The following ZNF705G variants were observed in gnomAD, a reference collection of about 807,000 sequenced individuals.
ZNF705G encodes putative zinc finger protein 705G.
A neutral mutation model predicts 19.6 loss-of-function variants in ZNF705G; 23 were observed. The observed-to-expected ratio is 1.17, with a 90% confidence interval of 0.84 to 1.66. The LOEUF (loss-of-function observed/expected upper bound fraction) is 1.66, where lower values mean the gene tolerates loss of function less well. Ranked by LOEUF, ZNF705G falls within the 40% of genes most tolerant of loss-of-function variation. The pLI is 0.00. For missense variants in ZNF705G, 457 were observed against 354.4 expected (o/e 1.29, Z -2.32); for synonymous variants, 146 against 117.7 (o/e 1.24, Z -1.56).
chr8:7,366,252 A>G (rs1191923457), intron 2 of ZNF705G, among the ~76,000 whole-genome samples: 2 of 148,912 alleles, frequency 1.3e-5, no homozygotes, highest in South Asian at 2.1e-4. Flanking sequence ...ATGGCTTCCA[A>G]CATCCAATAT....
At chr8:7,381,692 T>C (rs1227134310) in intron 1 of ZNF705G, 91 bp from the exon 2 acceptor site, 1 of 148,734 alleles carries the variant, frequency 6.7e-6, no homozygotes, top group Admixed American at 6.6e-5. Context: ...GAGCTAAGCA[T>C]TGAGCAGACA....
intron 6 of ZNF705G, among the ~76,000 whole-genome samples, chr8:7,359,411 GCA>G (rs1235350643): frequency 6.7e-6 from 1 of 149,644 alleles, no homozygotes; most frequent in African/African-American, 2.6e-5. Context: ...CAATGTATAT[GCA>G]CTTGTTCTAT....
At chr8:7,359,108 C>A (rs771134440) in intron 6 of ZNF705G, among the ~76,000 whole-genome samples, 52 of 149,686 alleles carry the variant, frequency 3.5e-4, no homozygotes, top group Non-Finnish European at 3.8e-4. Flanking sequence ...TTCTACCCAC[C>A]TTTTACATGA....
At chr8:7,363,109 G>T in intron 2 of ZNF705G, 92 bp from the exon 3 acceptor site, 1 of 1,500,380 alleles carries the variant, frequency 6.7e-7, no homozygotes, top group Non-Finnish European at 9.1e-7. Flanking sequence ...ACTGAAGTGT[G>T]ACACCAGCTG....
intron 2 of ZNF705G, 65 bp from the exon 3 acceptor site, chr8:7,363,082 T>A: frequency 1.0e-5 from 16 of 1,580,700 alleles, no homozygotes; most frequent in Non-Finnish European, 1.3e-5. Context: ...CAATCTGTGA[T>A]GAAAAGCCAG....
At chr8:7,364,781 C>G (rs1806782605) in intron 2 of ZNF705G, among the ~76,000 whole-genome samples, 1 of 149,418 alleles carries the variant, frequency 6.7e-6, no homozygotes, top group Non-Finnish European at 1.5e-5. Flanking sequence ...CATCAAGATT[C>G]CAGTAACATA....
At chr8:7,359,487 AAT>A in intron 6 of ZNF705G, 130 bp downstream of exon 6, 1 of 1,429,576 alleles carries the variant, frequency 7.0e-7, no homozygotes, top group African/African-American at 1.9e-5. Flanking sequence ...CAAAGTATCC[AAT>A]TTTTTTTTTT....
rs1168128871 is a variant in ZNF705G at position 7,358,661 on chromosome 8, C to T, written c.319-101G>A. 20 of 1,535,236 alleles carry T rather than the reference C, an allele frequency of 1.3e-5. 1 individual carries two copies. The highest frequency in any genetic ancestry group is 2.4e-4 in the Middle Eastern group (1 of 4,118). On this transcript the variant is annotated intron_variant, in intron 6 of 6. Transcript: ENST00000400156. Reference sequence around the variant, plus strand: ...CTAGACCAACCATTCAGTGGTAGACCCCAGTTGAAAGCTTTCCAATGTTTC... The same window carrying T: ...CTAGACCAACCATTCAGTGGTAGACTCCAGTTGAAAGCTTTCCAATGTTTC...
chr8:7,380,399 A>T (rs1807435622), intron 2 of ZNF705G, among the ~76,000 whole-genome samples: 1 of 147,474 alleles, frequency 6.8e-6, no homozygotes, highest in Admixed American at 6.6e-5. Flanking sequence ...GTATGAGCCC[A>T]CCCAGCCTGG....
chr8:7,383,520 C>T (rs1450343980), intron 1 of ZNF705G, among the ~76,000 whole-genome samples: 1 of 146,598 alleles, frequency 6.8e-6, no homozygotes, highest in Non-Finnish European at 1.5e-5. Flanking sequence ...AGAATCAATA[C>T]ATGAATGAAT....
chr8:7,360,690 T>C (rs1426590975), intron 4 of ZNF705G, among the ~76,000 whole-genome samples: 1 of 149,642 alleles, frequency 6.7e-6, no homozygotes, highest in Non-Finnish European at 1.5e-5. Flanking sequence ...AAAAAAACAT[T>C]CGATTTACAA....
rs756869844 is a variant in ZNF705G at position 7,358,032 on chromosome 8, G to A, written c.847C>T (p.Pro283Ser). The A allele has an allele frequency of 1.2e-6, 2 of 1,608,764 alleles. No homozygotes were observed. Among genetic ancestry groups the A allele is most frequent in the Non-Finnish European group, 1.7e-6 (2 of 1,179,792 alleles). Reference protein sequence around the residue: ...GNKIIHTGEKPHACLLCGKAF... With the variant: ...GNKIIHTGEKSHACLLCGKAF... Reference sequence around the variant, plus strand: ...TTCCCACATAGAAGACAAGCATGTGGTTTCTCTCCAGTGTGAATTATTTTG... The same window carrying A: ...TTCCCACATAGAAGACAAGCATGTGATTTCTCTCCAGTGTGAATTATTTTG... The change falls in exon 7 of 7, where the codon CCA becomes TCA. Residue 283 changes from proline to serine, a missense_variant. Pro to Ser is a moderately conservative substitution (Grantham distance 74, BLOSUM62 -1). Transcript: ENST00000400156.
Position 7,359,844 on chromosome 8 carries a change from G to T in ZNF705G, c.236-143C>A, listed in dbSNP as rs570911586. 3.0e-4 allele frequency: 389 copies of T among 1,283,546 alleles called. 7 individuals carry two copies. In the South Asian group the frequency reaches 4.2e-3, roughly 14 times the overall value. The allele number at this position is 1,283,546 out of a possible 1,614,324, so 79.5% of individuals were successfully genotyped here. ...AAATGAAGAAACTACTTGAATAGAA[G>T]AAATAGATTGTACAGTGTCAGCAAT... On this transcript the variant is annotated intron_variant, in intron 5 of 6. Coordinates refer to ENST00000400156, the MANE Select transcript of ZNF705G (RefSeq NM_001164457.3).
chr8:7,365,526 G>A (rs1460788269), intron 2 of ZNF705G, among the ~76,000 whole-genome samples: 5 of 148,988 alleles, frequency 3.4e-5, no homozygotes, highest in African/African-American at 5.2e-5. Context: ...TGACAGGCTT[G>A]CGCCATCGTG....
At chr8:7,364,516 T>C (rs1381311140) in intron 2 of ZNF705G, among the ~76,000 whole-genome samples, 7 of 149,512 alleles carry the variant, frequency 4.7e-5, no homozygotes, top group African/African-American at 1.8e-4. Flanking sequence ...TATGACAAAA[T>C]TACAAAATTA....
rs1456001398 is a variant in ZNF705G at position 7,357,792 on chromosome 8, C to T, written c.*184G>A. 6.1e-6 allele frequency: 6 copies of T among 979,318 alleles called. 1 individual carries two copies. The highest frequency in any genetic ancestry group is 2.9e-5 in the Admixed American group (1 of 34,272). The allele number at this position is 979,318 out of a possible 1,614,324, so 60.7% of individuals were successfully genotyped here. ...CTACAACTACAGCTGAAGTCTCTTCCACATTCCTTACCTTTGTCATTCCTA... is the reference window on the plus strand; with the variant it reads ...CTACAACTACAGCTGAAGTCTCTTCTACATTCCTTACCTTTGTCATTCCTA... On this transcript the variant is annotated 3_prime_UTR_variant, in exon 7 of 7. Coordinates refer to ENST00000400156, the MANE Select transcript of ZNF705G (RefSeq NM_001164457.3).
rs10106806 is a variant in ZNF705G at position 7,360,657 on chromosome 8, A to C, written c.140-325T>G. Among the ~76,000 whole-genome samples the C allele has an allele frequency of 1.4e-3, 213 of 149,674 alleles. 20 individuals carry two copies. The highest frequency in any genetic ancestry group is 5.3e-3 in the African/African-American group (206 of 39,090). On this transcript the variant is annotated intron_variant, in intron 4 of 6. Transcript: ENST00000400156. ...AATTATATCTCTGCACAGTGTGTTT[A>C]CTATTATTCTCACGCACAACAAAAA...
Position 7,364,083 on chromosome 8 carries a change from G to A in ZNF705G, c.-71-1066C>T, listed in dbSNP as rs542010943. On this transcript the variant is annotated intron_variant, in intron 2 of 6. Coordinates refer to ENST00000400156, the MANE Select transcript of ZNF705G (RefSeq NM_001164457.3). The stretch of plus-strand genomic sequence containing the variant: ...TACTAACGTGGTATCTAAAATTCTT[G>A]CAATCATGGTTTATATTAGTCTTTG... Among the ~76,000 whole-genome samples the A allele has an allele frequency of 1.2e-3, 185 of 149,410 alleles. 18 individuals are homozygous for A. The highest frequency in any genetic ancestry group is 4.5e-3 in the African/African-American group (176 of 38,904).
At chr8:7,364,565 G>T (rs1241191388) in intron 2 of ZNF705G, among the ~76,000 whole-genome samples, 8 of 149,468 alleles carry the variant, frequency 5.4e-5, no homozygotes, top group African/African-American at 7.7e-5. Flanking sequence ...TATTCTGCGT[G>T]TCGCTGCCTC....
Sources: gnomAD v4.1 joint callset for allele counts (sites outside exome capture counted in the v4.1 genomes callset) on GRCh38, gnomAD v4.1.1 for gene constraint, MANE v1.5 for transcripts, NCBI Gene and HGNC (gene_info 2026-07-23, HGNC 2026-07-21) for gene names.